Variants in SAMTOR observed in about 807,000 individuals in gnomAD.
SAMTOR encodes the protein S-adenosylmethionine sensor upstream of mTORC1.
At chr7:112,840,482 C>G in the SAMTOR span, among the ~76,000 whole-genome samples, 6 of 151,640 alleles carry the variant, frequency 4.0e-5, no homozygotes, top group African/African-American at 2.4e-5. Context: ...CCATTCTCGC[C>G]TCTCCTTCTG....
the SAMTOR span, among the ~76,000 whole-genome samples, chr7:112,899,155 A>T: frequency 3.9e-5 from 6 of 152,136 alleles, no homozygotes; most frequent in Non-Finnish European, 8.8e-5. Flanking sequence ...GGGAATTCCA[A>T]ATAGCTTTTT....
the SAMTOR span, among the ~76,000 whole-genome samples, chr7:112,922,008 C>G: frequency 6.6e-5 from 10 of 152,068 alleles, no homozygotes; most frequent in East Asian, 1.9e-4. Context: ...GATGCCGAGC[C>G]GAAGCTGGAC....
chr7:112,883,147 A>G, the SAMTOR span, among the ~76,000 whole-genome samples: 4 of 152,218 alleles, frequency 2.6e-5, no homozygotes, highest in Non-Finnish European at 5.9e-5. Flanking sequence ...AGACTCTTGG[A>G]TTGGCAGTGA....
At chr7:112,833,441 A>G in the SAMTOR span, among the ~76,000 whole-genome samples, 2 of 152,344 alleles carry the variant, frequency 1.3e-5, no homozygotes, top group South Asian at 4.1e-4. Context: ...AAGATAATAC[A>G]TTAATACTTG....
chr7:112,933,210 G>A, the SAMTOR span, among the ~76,000 whole-genome samples: 13 of 152,174 alleles, frequency 8.5e-5, no homozygotes, highest in African/African-American at 2.9e-4. Flanking sequence ...CAAAAGTACT[G>A]TATGATAAAA....
At chr7:112,922,922 C>A in the SAMTOR span, among the ~76,000 whole-genome samples, 1 of 147,542 alleles carries the variant, frequency 6.8e-6, no homozygotes, top group African/African-American at 2.6e-5. Flanking sequence ...CCCCATCCGT[C>A]CCTACTGGGA....
chr7:112,934,104 T>C, the SAMTOR span, among the ~76,000 whole-genome samples: 1 of 152,178 alleles, frequency 6.6e-6, no homozygotes, highest in Non-Finnish European at 1.5e-5. Context: ...GAAGCATAAA[T>C]GGCGGCAGAT....
At chr7:112,910,500 T>G in the SAMTOR span, among the ~76,000 whole-genome samples, 1 of 152,178 alleles carries the variant, frequency 6.6e-6, no homozygotes, top group African/African-American at 2.4e-5. Context: ...GTTGAAAGAC[T>G]GTTAGGAAAG....
chr7:112,917,947 G>C, the SAMTOR span, among the ~76,000 whole-genome samples: 1 of 152,208 alleles, frequency 6.6e-6, no homozygotes, highest in Non-Finnish European at 1.5e-5. Flanking sequence ...ATGAGACTAT[G>C]TGAAAAGACC....
the SAMTOR span, among the ~76,000 whole-genome samples, chr7:112,860,784 C>T: frequency 2.0e-5 from 3 of 151,466 alleles, no homozygotes; most frequent in Admixed American, 1.3e-4. Flanking sequence ...TGGTGGCGGG[C>T]GCTTGTAGTC....
the SAMTOR span, among the ~76,000 whole-genome samples, chr7:112,848,015 T>C: frequency 6.6e-6 from 1 of 152,042 alleles, no homozygotes; most frequent in Non-Finnish European, 1.5e-5. Flanking sequence ...TTACAGGTCA[T>C]GGTAGTGCAT....
At chr7:112,918,148 G>C in the SAMTOR span, among the ~76,000 whole-genome samples, 2 of 152,180 alleles carry the variant, frequency 1.3e-5, no homozygotes, top group South Asian at 4.1e-4. Context: ...ATAGTTGTCA[G>C]ATTCGCCAAA....
the SAMTOR span, among the ~76,000 whole-genome samples, chr7:112,877,332 A>G: frequency 6.6e-6 from 1 of 152,156 alleles, no homozygotes; most frequent in South Asian, 2.1e-4. Flanking sequence ...TAAAAATAAA[A>G]TGTGTTACAG....
chr7:112,882,397 T>G, the SAMTOR span, among the ~76,000 whole-genome samples: 4 of 152,110 alleles, frequency 2.6e-5, no homozygotes, highest in African/African-American at 4.8e-5. Context: ...AGACATTATG[T>G]TAAAAAGACA....
the SAMTOR span, among the ~76,000 whole-genome samples, chr7:112,891,059 CA>C: frequency 6.6e-6 from 1 of 151,982 alleles, no homozygotes; most frequent in African/African-American, 2.4e-5. Context: ...AACAATGACT[CA>C]ATAAATAAGG....
the SAMTOR span, among the ~76,000 whole-genome samples, chr7:112,903,522 G>C: frequency 1.3e-5 from 2 of 151,884 alleles, no homozygotes; most frequent in Non-Finnish European, 2.9e-5. Context: ...TTATTAGTTA[G>C]CATCACATTA....
chr7:112,939,736 G>C, the SAMTOR span: 1 of 1,602,276 alleles, frequency 6.2e-7, no homozygotes, highest in Non-Finnish European at 8.5e-7. Context: ...TTCGGCCGCC[G>C]GCCCCTGGCT....
chr7:112,922,409 G>A, the SAMTOR span, among the ~76,000 whole-genome samples: 25 of 151,986 alleles, frequency 1.6e-4, no homozygotes, highest in African/African-American at 5.8e-4. Flanking sequence ...GTCTCTGCCT[G>A]GCCGCCCATC....
the SAMTOR span, among the ~76,000 whole-genome samples, chr7:112,867,854 T>G: frequency 1.3e-5 from 2 of 152,220 alleles, no homozygotes; most frequent in Non-Finnish European, 2.9e-5. Flanking sequence ...CAAACTGGTA[T>G]TGGTCCGTGG....
Sources: gnomAD v4.1 joint callset for allele counts (sites outside exome capture counted in the v4.1 genomes callset) on GRCh38, gnomAD v4.1.1 for gene constraint, MANE v1.5 for transcripts, NCBI Gene and HGNC (gene_info 2026-07-23, HGNC 2026-07-21) for gene names.